Variants in KCNIP1 observed in about 807,000 individuals in gnomAD.
KCNIP1 encodes the protein potassium voltage-gated channel interacting protein 1, also known as A-type potassium channel modulatory protein KCNIP1.
A neutral mutation model predicts 33.0 loss-of-function variants in KCNIP1; 18 were observed. The ratio of observed to expected loss-of-function variants is 0.55; its 90% confidence interval spans 0.38 to 0.81. KCNIP1 has a LOEUF of 0.81. Ranked by LOEUF, KCNIP1 falls within the 30% of genes least tolerant of loss-of-function variation. The probability of loss-of-function intolerance (pLI) is 0.00; values close to 1 mark genes in which losing one functional copy is unlikely to be tolerated. For synonymous variants in KCNIP1, 93 were observed against 98.3 expected (o/e 0.95, Z 0.32); for missense variants, 238 against 271.6 (o/e 0.88, Z 0.87).
chr5:170,530,778 C>T (rs757805151), intron 1 of KCNIP1, among the ~76,000 whole-genome samples: 3 of 152,118 alleles, frequency 2.0e-5, no homozygotes, highest in East Asian at 1.9e-4. Flanking sequence ...GTGGATGAAG[C>T]GTGAATTCAT....
At chr5:170,453,539 AC>A (rs1443305483) in intron 1 of KCNIP1, among the ~76,000 whole-genome samples, 1 of 152,134 alleles carries the variant, frequency 6.6e-6, no homozygotes, top group Non-Finnish European at 1.5e-5. Context: ...TAGTGGACAG[AC>A]CCTAAATTAA....
chr5:170,663,473 C>T (rs1007450018), intron 1 of KCNIP1, among the ~76,000 whole-genome samples: 2 of 152,094 alleles, frequency 1.3e-5, no homozygotes, highest in African/African-American at 2.4e-5. Flanking sequence ...GATTTTAGCC[C>T]GAATCCAGGG....
intron 1 of KCNIP1, chr5:170,378,518 T>C: frequency 4.3e-6 from 3 of 699,858 alleles, no homozygotes; most frequent in Non-Finnish European, 7.1e-6. Context: ...CTGTACATTC[T>C]TGAGCAGGCA....
At chr5:170,652,823 T>C (rs1055479844) in intron 1 of KCNIP1, among the ~76,000 whole-genome samples, 1 of 152,220 alleles carries the variant, frequency 6.6e-6, no homozygotes, top group Non-Finnish European at 1.5e-5. Context: ...AACATCCCTG[T>C]AGAAAGATAG....
At chr5:170,628,868 T>C (rs7737768) in intron 1 of KCNIP1, among the ~76,000 whole-genome samples, 88,643 of 152,112 alleles carry the variant, frequency 0.58, 26,342 homozygotes, top group African/African-American at 0.67. Flanking sequence ...CCCAGCCCCC[T>C]GAGGGGAGCT....
At chr5:170,542,591 A>C (rs1756253836) in intron 1 of KCNIP1, among the ~76,000 whole-genome samples, 1 of 152,192 alleles carries the variant, frequency 6.6e-6, no homozygotes, top group South Asian at 2.1e-4. Flanking sequence ...TCCACAGGGG[A>C]TATATTCCAA....
intron 1 of KCNIP1, among the ~76,000 whole-genome samples, chr5:170,525,557 A>C (rs1273597746): frequency 6.6e-6 from 1 of 152,206 alleles, no homozygotes; most frequent in Non-Finnish European, 1.5e-5. Context: ...TGAGAACCCT[A>C]CATACATCTT....
At chr5:170,378,490 C>A in intron 1 of KCNIP1, 1 of 590,406 alleles carries the variant, frequency 1.7e-6, no homozygotes. Flanking sequence ...TTATGGCCTC[C>A]AAGGCATTGG....
intron 1 of KCNIP1, among the ~76,000 whole-genome samples, chr5:170,670,903 A>G (rs1761892079): frequency 1.2e-5 from 1 of 82,940 alleles, no homozygotes; most frequent in East Asian, 3.3e-4. Flanking sequence ...CTCAAAAAAC[A>G]AAAAAAAAAA....
chr5:170,496,046 C>CA (rs1293560550), intron 1 of KCNIP1, among the ~76,000 whole-genome samples: 1 of 152,202 alleles, frequency 6.6e-6, no homozygotes, highest in Non-Finnish European at 1.5e-5. Context: ...TCATCACTGG[C>CA]ATGATTACTA....
intron 1 of KCNIP1, among the ~76,000 whole-genome samples, chr5:170,366,380 C>T (rs1288315298): frequency 2.0e-5 from 3 of 152,242 alleles, no homozygotes; most frequent in African/African-American, 7.2e-5. Flanking sequence ...CCCCTGAGGA[C>T]ACCACCCTGG....
At chr5:170,353,842 G>T in exon 1 of KCNIP1, 1 of 1,604,280 alleles carries the variant, frequency 6.2e-7, no homozygotes, top group Non-Finnish European at 8.5e-7. Context: ...TCCCTTCTGG[G>T]TGCTGACAGC....
chr5:170,718,801 GC>G lies in KCNIP1; in HGVS notation c.108del (p.Glu37ArgfsTer70). On this transcript the variant is annotated frameshift_variant, in exon 2 of 8. Coordinates refer to ENST00000328939, the MANE Select transcript of KCNIP1 (RefSeq NM_014592.4). LOFTEE classifies it high-confidence loss of function. ...ELEMTMVCHRPEGLEQLEAQT... is the reference protein window; with the variant it reads ...ELEMTMVCHRXEGLEQLEAQT... ...TGGAGATGACCATGGTTTGCCATCG[GC>G]CCGAGGGACTGGAGCAGCTCGAGGC... The G allele has an allele frequency of 1.2e-6, 2 of 1,612,238 alleles. No individual in the cohort carries two copies. The highest frequency in any genetic ancestry group is 1.7e-6 in the Non-Finnish European group (2 of 1,179,364).
intron 1 of KCNIP1, among the ~76,000 whole-genome samples, chr5:170,522,799 A>G (rs1316696057): frequency 6.6e-6 from 1 of 152,242 alleles, no homozygotes; most frequent in Non-Finnish European, 1.5e-5. Flanking sequence ...TGATCTCTGT[A>G]AGGAAGAGTA....
chr5:170,433,472 C>T (rs1381165666), intron 1 of KCNIP1, among the ~76,000 whole-genome samples: 1 of 152,222 alleles, frequency 6.6e-6, no homozygotes, highest in African/African-American at 2.4e-5. Flanking sequence ...TAGGCATGAG[C>T]CACTGTACCT....
At chr5:170,607,424 T>A (rs181408989) in intron 1 of KCNIP1, among the ~76,000 whole-genome samples, 8 of 152,340 alleles carry the variant, frequency 5.3e-5, no homozygotes, top group Admixed American at 5.2e-4. Flanking sequence ...GACCACCGTA[T>A]GCTCCAAACC....
intron 5 of KCNIP1, among the ~76,000 whole-genome samples, chr5:170,725,227 A>G (rs547444921): frequency 2.0e-5 from 3 of 152,360 alleles, no homozygotes; most frequent in African/African-American, 7.2e-5. Context: ...CTGCACTCCC[A>G]TGTTTTTTGC....
intron 1 of KCNIP1, among the ~76,000 whole-genome samples, chr5:170,616,694 G>A (rs758763680): frequency 2.0e-5 from 3 of 151,994 alleles, no homozygotes; most frequent in Non-Finnish European, 2.9e-5. Flanking sequence ...CATCAGTTTC[G>A]GACCCTCCAT....
chr5:170,601,362 G>A (rs1374752707), intron 1 of KCNIP1, among the ~76,000 whole-genome samples: 1 of 133,758 alleles, frequency 7.5e-6, no homozygotes, highest in Non-Finnish European at 1.8e-5. Flanking sequence ...GACATCACAG[G>A]AGAAGGAGGC....
Sources: gnomAD v4.1 joint callset for allele counts (sites outside exome capture counted in the v4.1 genomes callset) on GRCh38, gnomAD v4.1.1 for gene constraint, MANE v1.5 for transcripts, NCBI Gene and HGNC (gene_info 2026-07-23, HGNC 2026-07-21) for gene names.